SOX6: variants seen among roughly 807,000 people sequenced by gnomAD.
SOX6 encodes transcription factor SOX-6.
SOX6 carries 11 observed loss-of-function variants against 97.8 expected under a neutral mutation model. The observed-to-expected ratio is 0.11, with a 90% CI of 0.07 to 0.19. SOX6 has a LOEUF of 0.19. Among genes scored for constraint, SOX6 ranks in the 10% least tolerant of loss-of-function variants. SOX6 has a pLI of 1.00. For missense variants in SOX6, 810 were observed against 1,039.5 expected (o/e 0.78, Z 3.04); for synonymous variants, 360 against 371.4 (o/e 0.97, Z 0.35).
intron 1 of SOX6, among the ~76,000 whole-genome samples, chr11:16,342,051 T>C (rs1856653394): frequency 6.6e-6 from 1 of 152,050 alleles, no homozygotes; most frequent in Non-Finnish European, 1.5e-5. Flanking sequence ...AATAGTAAAA[T>C]GCCTACTGTG....
chr11:16,443,985 C>T (rs970591144), intron 1 of SOX6, among the ~76,000 whole-genome samples: 1 of 146,042 alleles, frequency 6.8e-6, no homozygotes, highest in African/African-American at 2.5e-5. Context: ...TGCACTCCAG[C>T]CTGGCAACAG....
intron 15 of SOX6, among the ~76,000 whole-genome samples, chr11:15,985,884 T>C (rs1323945413): frequency 1.3e-5 from 2 of 152,164 alleles, no homozygotes; most frequent in Non-Finnish European, 2.9e-5. Flanking sequence ...TTAGTTTTTA[T>C]TTTTCCTCCC....
intron 4 of SOX6, among the ~76,000 whole-genome samples, chr11:16,211,345 G>A (rs758694135): frequency 6.6e-6 from 1 of 152,068 alleles, no homozygotes. Flanking sequence ...AAAGGAGAAA[G>A]CAGGGATTTA....
chr11:16,446,844 T>C (rs1859620738), intron 1 of SOX6, among the ~76,000 whole-genome samples: 1 of 152,092 alleles, frequency 6.6e-6, no homozygotes, highest in African/African-American at 2.4e-5. Flanking sequence ...ATAGTAAGTT[T>C]TTCTATCCAG....
intron 1 of SOX6, chr11:16,434,554 T>C (rs1468660613): frequency 6.6e-6 from 1 of 152,194 alleles, no homozygotes; most frequent in African/African-American, 2.4e-5. Context: ...CATAGCACTT[T>C]ATATAGACGT....
intron 2 of SOX6, among the ~76,000 whole-genome samples, chr11:16,734,614 T>C (rs943852682): frequency 2.0e-5 from 3 of 152,216 alleles, no homozygotes; most frequent in African/African-American, 2.4e-5. Flanking sequence ...TTTATTGCTC[T>C]CTCCTAACTT....
intron 13 of SOX6, among the ~76,000 whole-genome samples, chr11:16,008,050 T>C (rs1295077684): frequency 6.6e-6 from 1 of 152,078 alleles, no homozygotes; most frequent in African/African-American, 2.4e-5. Context: ...AAGTCCCTTA[T>C]ATAAAATGGT....
At chr11:16,277,287 C>T (rs1854430609) in intron 3 of SOX6, among the ~76,000 whole-genome samples, 1 of 151,960 alleles carries the variant, frequency 6.6e-6, no homozygotes, top group Non-Finnish European at 1.5e-5. Context: ...AAGAGATCTC[C>T]CTCTTATCCC....
At chr11:16,427,826 A>C (rs971668616) in intron 1 of SOX6, among the ~76,000 whole-genome samples, 1 of 152,156 alleles carries the variant, frequency 6.6e-6, no homozygotes, top group Non-Finnish European at 1.5e-5. Context: ...ATGATTTATA[A>C]TCCTTTGGGT....
chr11:16,708,210 C>T (rs1373876365), intron 3 of SOX6, among the ~76,000 whole-genome samples: 1 of 152,114 alleles, frequency 6.6e-6, no homozygotes, highest in African/African-American at 2.4e-5. Context: ...CCTAATGAAA[C>T]CTTGAAATTC....
At chr11:15,982,473 T>C (rs1853687376) in intron 15 of SOX6, among the ~76,000 whole-genome samples, 1 of 152,062 alleles carries the variant, frequency 6.6e-6, no homozygotes, top group Non-Finnish European at 1.5e-5. Flanking sequence ...ATCTGTATCA[T>C]GGGGGATTGG....
At chr11:16,132,310 G>A (rs369192126) in intron 6 of SOX6, among the ~76,000 whole-genome samples, 97 of 111,210 alleles carry the variant, frequency 8.7e-4, no homozygotes, top group African/African-American at 1.3e-3. Context: ...AAGGAAGGAA[G>A]GAAGGAAGGA....
intron 1 of SOX6, among the ~76,000 whole-genome samples, chr11:16,442,358 G>A (rs965808693): frequency 2.6e-5 from 4 of 152,116 alleles, no homozygotes; most frequent in African/African-American, 9.7e-5. Context: ...TGTAAAGCCT[G>A]ACCTTATGCT....
At chr11:16,412,976 C>G (rs528350043) in intron 1 of SOX6, among the ~76,000 whole-genome samples, 1 of 152,174 alleles carries the variant, frequency 6.6e-6, no homozygotes, top group African/African-American at 2.4e-5. Context: ...AGTTCCACCT[C>G]AACCACAGGT....
At chr11:16,385,983 TG>T (rs1336638504) in intron 1 of SOX6, among the ~76,000 whole-genome samples, 1 of 152,224 alleles carries the variant, frequency 6.6e-6, no homozygotes, top group Non-Finnish European at 1.5e-5. Flanking sequence ...TTCAGAGGTC[TG>T]TGGTATCTGG....
At chr11:16,062,617 T>C (rs1847987231) in intron 9 of SOX6, among the ~76,000 whole-genome samples, 1 of 151,726 alleles carries the variant, frequency 6.6e-6, no homozygotes, top group Non-Finnish European at 1.5e-5. Flanking sequence ...CACTGATTGT[T>C]TGGGATATTG....
rs192411084 is a variant in SOX6 at position 16,402,557 on chromosome 11, A to G, written c.-4-61305T>C. 5.3e-4 allele frequency: 632 copies of G among 1,199,310 alleles called. 6 individuals carry two copies. The African/African-American group carries it at 8.3e-3, about 16-fold the overall frequency. The allele number at this position is 1,199,310 out of a possible 1,614,324, so 74.3% of individuals were successfully genotyped here. The stretch of plus-strand genomic sequence containing the variant: ...CACAGAAGCAAACCACCCAAAGCAC[A>G]CTGGAATCTCAGAGATGGTGACAAA... On this transcript the variant is annotated intron_variant, in intron 1 of 15. Coordinates refer to the SOX6 transcript ENST00000396356.
intron 13 of SOX6, among the ~76,000 whole-genome samples, chr11:16,011,751 T>TG (rs1372768815): frequency 6.6e-6 from 1 of 151,924 alleles, no homozygotes; most frequent in Admixed American, 6.6e-5. Flanking sequence ...TGGGTAGACA[T>TG]GGGGGGAGGG....
At chr11:16,126,423 T>C (rs557438992) in intron 6 of SOX6, among the ~76,000 whole-genome samples, 228 of 152,224 alleles carry the variant, frequency 1.5e-3, no homozygotes, top group African/African-American at 5.4e-3. Flanking sequence ...TGAATCTACA[T>C]AGAAATTATC....
Sources: gnomAD v4.1 joint callset for allele counts (sites outside exome capture counted in the v4.1 genomes callset) on GRCh38, gnomAD v4.1.1 for gene constraint, MANE v1.5 for transcripts, NCBI Gene and HGNC (gene_info 2026-07-23, HGNC 2026-07-21) for gene names.